NEDD4L: variants seen among roughly 807,000 people sequenced by gnomAD.
NEDD4L encodes the protein NEDD4 like E3 ubiquitin protein ligase.
A neutral mutation model predicts 148.9 loss-of-function variants in NEDD4L; 54 were observed. The observed-to-expected ratio is 0.36, with a 90% confidence interval of 0.29 to 0.45. The LOEUF (loss-of-function observed/expected upper bound fraction) is 0.45. Among genes scored for constraint, NEDD4L ranks in the 20% least tolerant of loss-of-function variants. The probability of loss-of-function intolerance (pLI) is 1.00; values close to 1 mark genes in which losing one functional copy is unlikely to be tolerated. For missense variants in NEDD4L, 856 were observed against 1,233.8 expected (o/e 0.69, Z 4.59); for synonymous variants, 433 against 440.7 (o/e 0.98, Z 0.22).
At chr18:58,072,655 A>G (rs1461413784) in intron 1 of NEDD4L, among the ~76,000 whole-genome samples, 2 of 152,214 alleles carry the variant, frequency 1.3e-5, no homozygotes, top group African/African-American at 4.8e-5. Context: ...GCTTTCTCCT[A>G]AGATTATGAG....
intron 6 of NEDD4L, among the ~76,000 whole-genome samples, chr18:58,319,265 C>CACAA (rs1487602614): frequency 6.6e-6 from 1 of 152,196 alleles, no homozygotes; most frequent in Non-Finnish European, 1.5e-5. Flanking sequence ...GGATCTGACC[C>CACAA]TGGCTCTCCA....
chr18:58,113,204 G>A (rs1026099019), intron 1 of NEDD4L, among the ~76,000 whole-genome samples: 4 of 152,342 alleles, frequency 2.6e-5, no homozygotes, highest in African/African-American at 7.2e-5. Flanking sequence ...TGACCACTCT[G>A]TAGTTTGTAT....
At position 58,134,664 on chromosome 18, in the gene NEDD4L, G is replaced by A. The variant is rs59761354; in HGVS notation, c.49-31124G>A. On this transcript the variant is annotated intron_variant, in intron 1 of 30. Transcript: ENST00000400345. Reference sequence around the variant, plus strand: ...TGGGATTACAGGCGTGAGCCACCGCGCCCGGCCGCAATTCCATTTCTTAAG... The same window carrying A: ...TGGGATTACAGGCGTGAGCCACCGCACCCGGCCGCAATTCCATTTCTTAAG... Among the ~76,000 whole-genome samples, 2 of 2,372 alleles carry A rather than the reference G, an allele frequency of 8.4e-4. 1 individual carries two copies. Among genetic ancestry groups the A allele is most frequent in the Non-Finnish European group, 1.6e-3 (2 of 1,220 alleles). 1.6% of individuals were successfully genotyped at this position (2,372 alleles called of 152,430 possible). A position where few individuals can be genotyped will look rare whatever the true frequency, so the allele number is the denominator to read the frequency against.
intron 2 of NEDD4L, among the ~76,000 whole-genome samples, chr18:58,205,031 GT>G (rs1301569155): frequency 6.6e-6 from 1 of 152,224 alleles, no homozygotes. Context: ...CATATGGGAT[GT>G]TTGGGTTGAG....
intron 2 of NEDD4L, among the ~76,000 whole-genome samples, chr18:58,233,267 C>T (rs747313728): frequency 4.7e-4 from 72 of 152,094 alleles, no homozygotes; most frequent in Non-Finnish European, 8.1e-4. Flanking sequence ...TGTATTAGTC[C>T]GTTTTCACGC....
At chr18:58,149,019 C>G (rs2034398807) in intron 1 of NEDD4L, among the ~76,000 whole-genome samples, 1 of 152,180 alleles carries the variant, frequency 6.6e-6, no homozygotes, top group Admixed American at 6.5e-5. Context: ...TGAAACAATG[C>G]AAATCCTGGG....
chr18:58,160,752 A>T (rs1568306844), intron 1 of NEDD4L, among the ~76,000 whole-genome samples: 1 of 152,220 alleles, frequency 6.6e-6, no homozygotes, highest in Non-Finnish European at 1.5e-5. Flanking sequence ...ATCTGTGTTT[A>T]AGCTTGTCAT....
intron 13 of NEDD4L, among the ~76,000 whole-genome samples, chr18:58,339,948 C>CT (rs1054338678): frequency 1.4e-4 from 22 of 152,170 alleles, no homozygotes; most frequent in African/African-American, 5.3e-4. Context: ...ACGACAACTG[C>CT]TAAAATATCT....
chr18:58,194,107 AAAG>A lies in NEDD4L; in HGVS notation c.122+28251_122+28253del, dbSNP rs753845870. On this transcript the variant is annotated intron_variant, in intron 2 of 30. Coordinates refer to ENST00000400345, the MANE Select transcript of NEDD4L (RefSeq NM_001144967.3). The stretch of plus-strand genomic sequence containing the variant: ...GTCTGTGGGAAAGAATGAAGGTTGG[AAAG>A]AAGATCTGGTGGGAAAGAACAAGGG... 5.4e-4 allele frequency: 82 copies of A among 152,266 alleles called. 1 individual carries two copies. The highest frequency in any genetic ancestry group is 9.8e-4 in the Non-Finnish European group (67 of 68,062). The allele number at this position is 152,266 out of a possible 1,614,324, so 9.4% of individuals were successfully genotyped here.
chr18:58,310,745 C>G (rs1237536526), intron 5 of NEDD4L, among the ~76,000 whole-genome samples: 1 of 152,192 alleles, frequency 6.6e-6, no homozygotes, highest in South Asian at 2.1e-4. Context: ...CTCTGTAATG[C>G]CAAAGCTGGC....
At chr18:58,358,538 C>T (rs1448809792) in intron 19 of NEDD4L, among the ~76,000 whole-genome samples, 2 of 152,176 alleles carry the variant, frequency 1.3e-5, no homozygotes, top group African/African-American at 2.4e-5. Context: ...CAATTACCGG[C>T]CGTCACTCAA....
chr18:58,389,650 ATTATC>A (rs1341392614), intron 28 of NEDD4L: 1 of 154,126 alleles, frequency 6.5e-6, no homozygotes, highest in Admixed American at 6.4e-5. Flanking sequence ...CATTTGATTT[ATTATC>A]TTAGGGCCAC....
At chr18:58,379,227 G>A (rs1487329845) in intron 24 of NEDD4L, among the ~76,000 whole-genome samples, 1 of 152,218 alleles carries the variant, frequency 6.6e-6, no homozygotes, top group Non-Finnish European at 1.5e-5. Flanking sequence ...TCTGCAGTTC[G>A]CTGTTTCTCC....
At chr18:58,274,012 A>G (rs940100406) in intron 5 of NEDD4L, among the ~76,000 whole-genome samples, 3 of 152,146 alleles carry the variant, frequency 2.0e-5, no homozygotes, top group Admixed American at 6.5e-5. Flanking sequence ...GGCCCTTTCT[A>G]CACGTAGCCT....
At chr18:58,298,773 C>G (rs1054351752) in intron 5 of NEDD4L, among the ~76,000 whole-genome samples, 1 of 152,178 alleles carries the variant, frequency 6.6e-6, no homozygotes, top group African/African-American at 2.4e-5. Flanking sequence ...ATAGAACAGT[C>G]TCCTAAATTA....
At chr18:58,052,458 G>A (rs2081915785) in intron 1 of NEDD4L, among the ~76,000 whole-genome samples, 1 of 152,092 alleles carries the variant, frequency 6.6e-6, no homozygotes, top group Non-Finnish European at 1.5e-5. Flanking sequence ...TCAACTTTTT[G>A]TCCCTGACTT....
At chr18:58,077,807 T>G (rs1465667810) in intron 1 of NEDD4L, among the ~76,000 whole-genome samples, 1 of 152,202 alleles carries the variant, frequency 6.6e-6, no homozygotes, top group African/African-American at 2.4e-5. Flanking sequence ...TGGAATCTTT[T>G]GTTTAAAACA....
intron 5 of NEDD4L, among the ~76,000 whole-genome samples, chr18:58,311,357 A>G (rs2057675888): frequency 6.6e-6 from 1 of 152,232 alleles, no homozygotes; most frequent in Non-Finnish European, 1.5e-5. Context: ...CCAGAAATAC[A>G]CATGGGTCAT....
At chr18:58,068,412 G>T (rs1321906193) in intron 1 of NEDD4L, among the ~76,000 whole-genome samples, 2 of 152,032 alleles carry the variant, frequency 1.3e-5, no homozygotes, top group East Asian at 1.9e-4. Context: ...TGTTAGCCAG[G>T]ATGGTCTTGA....
Sources: gnomAD v4.1 joint callset for allele counts (sites outside exome capture counted in the v4.1 genomes callset) on GRCh38, gnomAD v4.1.1 for gene constraint, MANE v1.5 for transcripts, NCBI Gene and HGNC (gene_info 2026-07-23, HGNC 2026-07-21) for gene names.